GRM1: variants seen among roughly 807,000 people sequenced by gnomAD.
The protein encoded by GRM1 is metabotropic glutamate receptor 1.
Under a neutral mutation model 90.9 loss-of-function variants are expected in GRM1, and 33 were observed. The observed-to-expected ratio is 0.36, with a 90% CI of 0.28 to 0.49. The LOEUF (loss-of-function observed/expected upper bound fraction) is 0.49. GRM1 is among the 20% of genes least tolerant of loss of function. The pLI, the probability that GRM1 is intolerant of heterozygous loss-of-function variation, is 0.99. For missense variants in GRM1, 1,190 were observed against 1,534.3 expected, an observed-to-expected ratio of 0.78 and a Z score of 3.75; for synonymous variants, 700 against 613.2, an observed-to-expected ratio of 1.14 and a Z score of -2.09.
intron 2 of GRM1, among the ~76,000 whole-genome samples, chr6:146,268,407 G>A (rs1781997464): frequency 6.6e-6 from 1 of 152,066 alleles, no homozygotes; most frequent in South Asian, 2.1e-4. Flanking sequence ...CTGGGTAGGA[G>A]CAATATTGCT....
chr6:146,434,615 G>C lies in GRM1; in HGVS notation c.3404G>C (p.Ser1135Thr). ...EEEEEDLQAA[S>T]KLTPDDSPAL... ...GAGGAGGAGGACCTGCAGGCGGCCAGCAAACTGACCCCGGATGATTCGCCT... is the reference window on the plus strand; with the variant it reads ...GAGGAGGAGGACCTGCAGGCGGCCACCAAACTGACCCCGGATGATTCGCCT... Residue 1135 changes from serine to threonine, a missense_variant, in exon 8 of 8, where the codon AGC becomes ACC. Ser to Thr is a moderately conservative substitution (Grantham distance 58). Around this residue, in one of 10 missense-constraint regions of GRM1, gnomAD observed 400 missense variants for 360.8 expected, o/e 1.11. Transcript: ENST00000282753. 6.2e-7 allele frequency: 1 copy of C among 1,612,818 alleles called. No individual in the cohort carries two copies. Among genetic ancestry groups the C allele is most frequent in the Admixed American group, 1.7e-5 (1 of 60,030 alleles).
intron 2 of GRM1, among the ~76,000 whole-genome samples, chr6:146,185,744 A>G (rs1377081762): frequency 6.6e-6 from 1 of 152,190 alleles, no homozygotes; most frequent in Admixed American, 6.5e-5. Flanking sequence ...TCCCACCCAC[A>G]GTTCTTAAAA....
chr6:146,152,739 T>A (rs1355982699), intron 1 of GRM1, among the ~76,000 whole-genome samples: 1 of 152,224 alleles, frequency 6.6e-6, no homozygotes, highest in Non-Finnish European at 1.5e-5. Flanking sequence ...TAACATTTCT[T>A]GGCAACTCTT....
At chr6:146,329,339 A>G (rs1784508065) in intron 3 of GRM1, among the ~76,000 whole-genome samples, 1 of 152,164 alleles carries the variant, frequency 6.6e-6, no homozygotes, top group Non-Finnish European at 1.5e-5. Context: ...CAGATGGGGC[A>G]CCCTACCAGC....
chr6:146,235,536 T>C (rs1225643259), intron 2 of GRM1, among the ~76,000 whole-genome samples: 1 of 152,108 alleles, frequency 6.6e-6, no homozygotes, highest in Non-Finnish European at 1.5e-5. Flanking sequence ...CATGTTAGGT[T>C]GTTTGGTGTT....
At position 146,352,349 on chromosome 6, in the gene GRM1, A is replaced by G. The variant is rs1205967382; in HGVS notation, c.1286A>G (p.His429Arg). The G allele has an allele frequency of 1.2e-6, 2 of 1,614,186 alleles. No homozygotes were observed. The highest frequency in any genetic ancestry group is 8.5e-7 in the Non-Finnish European group (1 of 1,179,994). Reference protein sequence around the residue: ...AMAHGLQNMHHALCPGHVGLC... With the variant: ...AMAHGLQNMHRALCPGHVGLC... ...GCACATGGGCTGCAGAACATGCACC[A>G]TGCCCTCTGCCCTGGCCACGTGGGC... Residue 429 changes from histidine (H) to arginine (R), a missense_variant, in exon 4 of 8, where the codon CAT (histidine) becomes CGT (arginine). Coordinates refer to ENST00000282753, the MANE Select transcript of GRM1 (RefSeq NM_001278064.2).
intron 4 of GRM1, among the ~76,000 whole-genome samples, chr6:146,355,675 C>G (rs1407134706): frequency 6.6e-6 from 1 of 151,724 alleles, no homozygotes; most frequent in African/African-American, 2.4e-5. Context: ...AACAAACAAA[C>G]AAACAAAAAA....
intron 7 of GRM1, among the ~76,000 whole-genome samples, chr6:146,406,015 G>T (rs1226473481): frequency 2.0e-5 from 3 of 152,202 alleles, no homozygotes; most frequent in Non-Finnish European, 4.4e-5. Context: ...GGCATTAAAA[G>T]AAGTAGGAAA....
chr6:146,150,925 C>A (rs1777300721), intron 1 of GRM1, among the ~76,000 whole-genome samples: 1 of 90,202 alleles, frequency 1.1e-5, no homozygotes. Flanking sequence ...TAAACACACA[C>A]ACGCGTGTGC....
chr6:146,350,076 C>T (rs1335806729), intron 3 of GRM1, among the ~76,000 whole-genome samples: 1 of 152,168 alleles, frequency 6.6e-6, no homozygotes, highest in Admixed American at 6.5e-5. Context: ...TATGATCACC[C>T]TAAATGAGGA....
At chr6:146,049,039 T>A (rs183408368) in intron 1 of GRM1, among the ~76,000 whole-genome samples, 7 of 151,404 alleles carry the variant, frequency 4.6e-5, no homozygotes, top group Admixed American at 6.6e-5. Context: ...GTTTTGGTAC[T>A]TTCTGCATGT....
intron 2 of GRM1, among the ~76,000 whole-genome samples, chr6:146,231,283 A>G (rs1583197208): frequency 6.6e-6 from 1 of 152,108 alleles, no homozygotes. Context: ...AAATCACCAT[A>G]CCTTCCACTC....
chr6:146,197,078 T>A (rs1779147591), intron 2 of GRM1, among the ~76,000 whole-genome samples: 1 of 152,184 alleles, frequency 6.6e-6, no homozygotes, highest in African/African-American at 2.4e-5. Flanking sequence ...CAGGAGAGAA[T>A]TCCCAATGGG....
At chr6:146,162,816 A>AAAAAC (rs200741221) in intron 2 of GRM1, among the ~76,000 whole-genome samples, 7 of 135,830 alleles carry the variant, frequency 5.2e-5, no homozygotes, top group South Asian at 2.1e-4. Flanking sequence ...GTGGTAATGA[A>AAAAAC]AAAACAAAAC....
At position 146,386,945 on chromosome 6, in the gene GRM1, A is replaced by G; in HGVS notation, c.1658A>G (p.Asn553Ser). 6.2e-7 allele frequency: 1 copy of G among 1,612,240 alleles called. No homozygotes were observed. The highest frequency in any genetic ancestry group is 8.5e-7 in the Non-Finnish European group (1 of 1,178,428). ...CCWICTACKE[N>S]EYVQDEFTCK... ...TGGATTTGCACGGCCTGCAAAGAGA[A>G]TGAATATGTGCAAGATGAGTTCACC... The change falls in exon 6 of 8, where the codon AAT (asparagine) becomes AGT (serine). Residue 553 changes from asparagine (N) to serine (S), a missense_variant. This residue lies in a region of GRM1 where 414 missense variants were observed against 598.4 expected (regional missense o/e 0.69). Coordinates refer to ENST00000282753, the MANE Select transcript of GRM1 (RefSeq NM_001278064.2).
intron 7 of GRM1, among the ~76,000 whole-genome samples, chr6:146,412,897 A>G (rs1021097665): frequency 1.3e-5 from 2 of 152,208 alleles, no homozygotes; most frequent in African/African-American, 4.8e-5. Flanking sequence ...TAGTTTTACT[A>G]TATCTACATT....
intron 1 of GRM1, among the ~76,000 whole-genome samples, chr6:146,068,457 C>A (rs940696284): frequency 2.0e-5 from 3 of 152,140 alleles, no homozygotes; most frequent in Admixed American, 1.3e-4. Context: ...TAAATTATGT[C>A]TTTGCATCCA....
chr6:146,337,824 C>A (rs186937129), intron 3 of GRM1, among the ~76,000 whole-genome samples: 93 of 152,148 alleles, frequency 6.1e-4, no homozygotes, highest in South Asian at 2.3e-3. Context: ...ATACACAATT[C>A]CCCCAAAAGA....
At chr6:146,198,231 A>G (rs1390556187) in intron 2 of GRM1, among the ~76,000 whole-genome samples, 1 of 152,238 alleles carries the variant, frequency 6.6e-6, no homozygotes, top group Non-Finnish European at 1.5e-5. Flanking sequence ...CATCCAGCAT[A>G]GCAGCTGAGA....
Sources: allele counts gnomAD v4.1 joint callset (sites outside exome capture counted in the v4.1 genomes callset), GRCh38; gene constraint gnomAD v4.1.1; regional missense constraint gnomAD v4.1.1; transcripts MANE v1.5; gene names NCBI Gene and HGNC (gene_info 2026-07-23, HGNC 2026-07-21).